The following CD34 variants were observed in gnomAD, a reference collection of about 807,000 sequenced individuals.
CD34 encodes hematopoietic progenitor cell antigen CD34.
In CD34, 34 loss-of-function variants were observed where a neutral mutation model predicts 40.1. That is an observed-to-expected ratio of 0.85 (90% CI 0.65 to 1.13). CD34 has a LOEUF of 1.13. Among genes scored for constraint, CD34 ranks in the 50% most tolerant of loss-of-function variants. CD34 has a pLI of 0.00. For synonymous variants in CD34, 209 were observed against 190.0 expected, an observed-to-expected ratio of 1.10 and a Z score of -0.82; for missense variants, 426 against 466.9, an observed-to-expected ratio of 0.91 and a Z score of 0.81.
intron 4 of CD34, 32 bp from the exon 5 acceptor site, chr1:207,889,653 G>T (rs987275958): frequency 6.2e-7 from 1 of 1,612,122 alleles, no homozygotes; most frequent in African/African-American, 1.3e-5. Flanking sequence ...GAGAGCAAGA[G>T]ATGAAATTAC....
In CD34 at chr1:207,888,790, T is replaced by C; in HGVS notation, c.864A>G (p.Gln288=). ...QDVASHQSYS[Q]KTLIALVTSG... ...AGGTGACCAGTGCAATCAGGGTCTT[T>C]TGGGAATAGCTCTGGTGGCTTGCAA... Residue 288 remains glutamine, a synonymous_variant, in exon 7 of 8, where the codon CAA becomes CAG. Transcript: ENST00000310833. 6.2e-7 allele frequency: 1 copy of C among 1,614,178 alleles called. No homozygotes were observed. Among genetic ancestry groups the C allele is most frequent in the Non-Finnish European group, 8.5e-7 (1 of 1,180,010 alleles).
rs1454952770 is a variant in CD34 at position 207,884,346 on chromosome 1, C to T, written c.*3392G>A. 1.3e-5 allele frequency: 2 copies of T among 152,180 alleles called. No individual in the cohort carries two copies. The highest frequency in any genetic ancestry group is 4.8e-5 in the African/African-American group (2 of 41,436). 9.4% of individuals were successfully genotyped at this position (152,180 alleles called of 1,614,324 possible). The stretch of plus-strand genomic sequence containing the variant: ...CACATGTATATACTTACTGAGATGA[C>T]ATTGTTTACTGTCCTCTTCTGCTAG... On this transcript the variant is annotated 3_prime_UTR_variant, in exon 8 of 8. Coordinates refer to ENST00000310833, the MANE Select transcript of CD34 (RefSeq NM_001025109.2).
intron 5 of CD34, 109 bp downstream of exon 5, chr1:207,889,356 T>A: frequency 6.5e-7 from 1 of 1,534,412 alleles, no homozygotes; most frequent in Non-Finnish European, 8.8e-7. Flanking sequence ...CAAGTCCTTC[T>A]CCCCAGCACC....
chr1:207,899,672 G>C, intron 2 of CD34, 149 bp downstream of exon 2: 1 of 683,776 alleles, frequency 1.5e-6, no homozygotes, highest in Middle Eastern at 4.2e-4. Flanking sequence ...ACTTACTTCA[G>C]GGCACCCTAA....
Position 207,887,575 on chromosome 1 carries a change from C to T in CD34, c.*163G>A, listed in dbSNP as rs1661927312. On this transcript the variant is annotated 3_prime_UTR_variant, in exon 8 of 8. Coordinates refer to ENST00000310833, the MANE Select transcript of CD34 (RefSeq NM_001025109.2). The stretch of plus-strand genomic sequence containing the variant: ...TGTGTAAAGGACAGGAGTTTACCTG[C>T]CCCTCCTCAAGGTGTAGGGCCCCAA... The T allele has an allele frequency of 3.2e-6, 3 of 934,672 alleles. No homozygotes were observed. The highest frequency in any genetic ancestry group is 1.7e-5 in the South Asian group (1 of 57,992). The allele number at this position is 934,672 out of a possible 1,614,324, so 57.9% of individuals were successfully genotyped here. A position where few individuals can be genotyped will look rare whatever the true frequency, so the allele number is the denominator to read the frequency against.
At chr1:207,889,926 C>T in intron 4 of CD34, 1 of 1,481,840 alleles carries the variant, frequency 6.7e-7, no homozygotes, top group Non-Finnish European at 8.9e-7. Flanking sequence ...AAATTAAACT[C>T]AAAAGAAATG....
rs566175958 is a variant in CD34, at chr1:207,893,298, G to A, written c.598-3677C>T. On this transcript the variant is annotated intron_variant, in intron 4 of 7. Coordinates refer to ENST00000310833, the MANE Select transcript of CD34 (RefSeq NM_001025109.2). The stretch of plus-strand genomic sequence containing the variant: ...GGGGACGGAGATGGGGGTGAGGGAG[G>A]GACAGGTATTTTTCTAATGACCTTT... Among the ~76,000 whole-genome samples, 12 of 152,054 alleles carry A rather than the reference G, an allele frequency of 7.9e-5. No homozygotes were observed. In the South Asian group the frequency reaches 2.1e-3, roughly 26 times the overall value.
intron 4 of CD34, chr1:207,889,836 A>G (rs769994426): frequency 1.2e-5 from 19 of 1,578,342 alleles, no homozygotes; most frequent in Admixed American, 1.0e-4. Context: ...ACCAAAATCC[A>G]TATCTTCTAG....
intron 1 of CD34, among the ~76,000 whole-genome samples, chr1:207,908,544 C>T (rs1288396345): frequency 2.0e-5 from 3 of 152,234 alleles, no homozygotes; most frequent in Admixed American, 6.5e-5. Flanking sequence ...GTGGGGTCAG[C>T]AGGCACGAAG....
rs571394199 is a variant in CD34 at position 207,903,596 on chromosome 1, G to T, written c.80-3593C>A. 2.6e-5 allele frequency among the ~76,000 whole-genome samples: 4 copies of T among 152,328 alleles called. No individual in the cohort carries two copies. The East Asian group carries it at 7.7e-4, about 29-fold the overall frequency. ...AACTGGGAGCAAGGGAGGAGACAAG[G>T]TCTCAAGAAATTAGTAAAATGAGGA... On this transcript the variant is annotated intron_variant, in intron 1 of 7. Transcript: ENST00000310833.
At chr1:207,906,433 G>C (rs1406872572) in intron 1 of CD34, among the ~76,000 whole-genome samples, 1 of 152,156 alleles carries the variant, frequency 6.6e-6, no homozygotes, top group Non-Finnish European at 1.5e-5. Flanking sequence ...ACTAGAACAA[G>C]GGACTGAGCA....
At position 207,883,427 on chromosome 1, in the gene CD34, C is replaced by T. The variant is rs1286669486; in HGVS notation, c.*4311G>A. ...TACAAAGCACTTCATTTAGTCTTTC[C>T]TCGTGTTATTTCTCACTTTCTGTTG... On this transcript the variant is annotated 3_prime_UTR_variant, in exon 8 of 8. Transcript: ENST00000310833. 6.6e-6 allele frequency: 1 copy of T among 152,182 alleles called. No homozygotes were observed. The highest frequency in any genetic ancestry group is 2.1e-4 in the South Asian group (1 of 4,830). The allele number at this position is 152,182 out of a possible 1,614,324, so 9.4% of individuals were successfully genotyped here.
intron 4 of CD34, among the ~76,000 whole-genome samples, chr1:207,894,813 GC>G (rs1345101995): frequency 6.6e-6 from 1 of 150,900 alleles, no homozygotes; most frequent in Non-Finnish European, 1.5e-5. Context: ...TGGCTGGGGA[GC>G]AAAAAAAAAA....
intron 1 of CD34, among the ~76,000 whole-genome samples, chr1:207,910,278 C>T (rs575992433): frequency 3.9e-5 from 6 of 152,240 alleles, no homozygotes; most frequent in African/African-American, 1.4e-4. Context: ...GAAATTTGTG[C>T]AGGGGTGACG....
Position 207,887,576 on chromosome 1 carries a change from C to T in CD34, c.*162G>A, listed in dbSNP as rs1442399901. 7 of 953,480 alleles carry T rather than the reference C, an allele frequency of 7.3e-6. No homozygotes were observed. The highest frequency in any genetic ancestry group is 1.1e-5 in the Non-Finnish European group (7 of 654,014). The allele number at this position is 953,480 out of a possible 1,614,324, so 59.1% of individuals were successfully genotyped here. A position where few individuals can be genotyped will look rare whatever the true frequency, so the allele number is the denominator to read the frequency against. ...GTGTAAAGGACAGGAGTTTACCTGC[C>T]CCTCCTCAAGGTGTAGGGCCCCAAG... On this transcript the variant is annotated 3_prime_UTR_variant, in exon 8 of 8. Coordinates refer to ENST00000310833, the MANE Select transcript of CD34 (RefSeq NM_001025109.2).
chr1:207,899,738 G>A (rs1394108330), intron 2 of CD34, 83 bp downstream of exon 2: 33 of 1,229,822 alleles, frequency 2.7e-5, no homozygotes, highest in Non-Finnish European at 3.6e-5. Context: ...CTGTGGAGAG[G>A]GGAGCGGTCT....
chr1:207,887,541 G>A lies in CD34; in HGVS notation c.*197C>T, dbSNP rs1661926597. ...AAAGAAGACCAGAGTCTGGCTCCAG[G>A]GAGCCGAATGTGTAAAGGACAGGAG... On this transcript the variant is annotated 3_prime_UTR_variant, in exon 8 of 8. Transcript: ENST00000310833. 1 of 695,108 alleles carries A rather than the reference G, an allele frequency of 1.4e-6. No individual in the cohort carries two copies. Among genetic ancestry groups the A allele is most frequent in the South Asian group, 2.1e-5 (1 of 47,854 alleles). 43.1% of individuals were successfully genotyped at this position (695,108 alleles called of 1,614,324 possible).
chr1:207,901,513 C>A (rs1321103218), intron 1 of CD34, among the ~76,000 whole-genome samples: 1 of 152,150 alleles, frequency 6.6e-6, no homozygotes, highest in Non-Finnish European at 1.5e-5. Flanking sequence ...CATGCAATTG[C>A]CTTGCAATGT....
chr1:207,890,780 C>A (rs1239576105), intron 4 of CD34, among the ~76,000 whole-genome samples: 1 of 152,152 alleles, frequency 6.6e-6, no homozygotes, highest in African/African-American at 2.4e-5. Context: ...TCAAAAAACC[C>A]CCAGGAAACA....
Sources: allele counts gnomAD v4.1 joint callset (sites outside exome capture counted in the v4.1 genomes callset), GRCh38; gene constraint gnomAD v4.1.1; transcripts MANE v1.5; gene names NCBI Gene and HGNC (gene_info 2026-07-23, HGNC 2026-07-21).